Variants in PIK3C2G observed in about 807,000 individuals in gnomAD.
PIK3C2G encodes phosphatidylinositol-4-phosphate 3-kinase catalytic subunit type 2 gamma.
A neutral mutation model predicts 181.1 loss-of-function variants in PIK3C2G; 168 were observed. That is an observed-to-expected ratio of 0.93 (90% CI 0.82 to 1.05). The LOEUF (loss-of-function observed/expected upper bound fraction) is 1.05, where lower values mean the gene tolerates loss of function less well. Ranked by LOEUF, PIK3C2G falls within the 50% of genes least tolerant of loss-of-function variation. PIK3C2G has a pLI of 0.00. For synonymous variants in PIK3C2G, 573 were observed against 592.2 expected (o/e 0.97, Z 0.47); for missense variants, 1,869 against 1,732.8 (o/e 1.08, Z -1.40).
At chr12:18,403,672 T>C (rs914895125) in intron 16 of PIK3C2G, among the ~76,000 whole-genome samples, 1 of 152,184 alleles carries the variant, frequency 6.6e-6, no homozygotes, top group Non-Finnish European at 1.5e-5. Context: ...CTCCTTTTAC[T>C]TTAATTTTAG....
At chr12:18,352,484 G>T (rs979277318) in intron 11 of PIK3C2G, among the ~76,000 whole-genome samples, 2 of 152,164 alleles carry the variant, frequency 1.3e-5, no homozygotes, top group African/African-American at 4.8e-5. Context: ...GTAGAACTCT[G>T]TGTAGCCCCA....
chr12:18,705,572 A>G, the PIK3C2G span, among the ~76,000 whole-genome samples: 1 of 152,090 alleles, frequency 6.6e-6, no homozygotes, highest in Non-Finnish European at 1.5e-5. Context: ...ACTTATTTAA[A>G]TAAATTATAC....
In PIK3C2G at chr12:18,647,756, C is replaced by G. The variant is rs1950224091; in HGVS notation, c.4309-120C>G. ...TAGAAATAAAAGAGTCTGACATTAA[C>G]CTATCTATTCCAGGGTATAAGATAT... On this transcript the variant is annotated intron_variant, in intron 32 of 32. Transcript: ENST00000538779. 4 of 450,172 alleles carry G rather than the reference C, an allele frequency of 8.9e-6. No individual in the cohort carries two copies. The East Asian group carries it at 1.4e-4, about 16-fold the overall frequency. The allele number at this position is 450,172 out of a possible 1,614,324, so 27.9% of individuals were successfully genotyped here. A position where few individuals can be genotyped will look rare whatever the true frequency, so the allele number is the denominator to read the frequency against.
At chr12:18,403,456 A>AAT (rs1300925690) in intron 16 of PIK3C2G, among the ~76,000 whole-genome samples, 4 of 152,176 alleles carry the variant, frequency 2.6e-5, no homozygotes, top group African/African-American at 9.6e-5. Context: ...ACTCCTCTAA[A>AAT]TTAAAAAGCT....
At chr12:18,245,993 C>T (rs1948035749), upstream of PIK3C2G, among the ~76,000 whole-genome samples, 1 of 152,034 alleles carries the variant, frequency 6.6e-6, no homozygotes, top group South Asian at 2.1e-4. Flanking sequence ...GGTAGCTTAT[C>T]AAGAATAAAA....
the PIK3C2G span, among the ~76,000 whole-genome samples, chr12:18,676,357 T>C: frequency 6.6e-6 from 1 of 152,036 alleles, no homozygotes; most frequent in Admixed American, 6.6e-5. Context: ...GAATCTAATA[T>C]AATCCATGTC....
intron 15 of PIK3C2G, among the ~76,000 whole-genome samples, chr12:18,397,823 T>G (rs927171045): frequency 6.6e-6 from 1 of 152,024 alleles, no homozygotes; most frequent in Non-Finnish European, 1.5e-5. Flanking sequence ...GCACAAATGA[T>G]CACAGCACCT....
At chr12:18,683,235 GCTGTTAT>G in the PIK3C2G span, 1 of 1,610,794 alleles carries the variant, frequency 6.2e-7, no homozygotes, top group Middle Eastern at 1.7e-4. Flanking sequence ...TTTATCATTA[GCTGTTAT>G]CTGACGTACC....
In PIK3C2G at chr12:18,453,559, G is replaced by A. The variant is rs186331127; in HGVS notation, c.2504+29520G>A. Among the ~76,000 whole-genome samples, 513 of 152,016 alleles carry A rather than the reference G, an allele frequency of 3.4e-3. 2 individuals carry two copies. Among genetic ancestry groups the A allele is most frequent in the African/African-American group, 0.012 (478 of 41,464 alleles). On this transcript the variant is annotated intron_variant, in intron 18 of 32. Coordinates refer to ENST00000538779, the MANE Select transcript of PIK3C2G (RefSeq NM_001288772.2). The stretch of plus-strand genomic sequence containing the variant: ...ATAATTGACTTGTAGATCTTGAGGG[G>A]AGGGGTTAGGCTTCAGGTTCAACAT...
chr12:18,343,450 T>C (rs1477483134), intron 10 of PIK3C2G, 90 bp downstream of exon 10: 8 of 641,344 alleles, frequency 1.2e-5, no homozygotes, highest in Non-Finnish European at 2.2e-5. Context: ...TTTATGCAAA[T>C]ACTGTGGTAA....
At chr12:18,622,823 T>C (rs962869800) in intron 31 of PIK3C2G, among the ~76,000 whole-genome samples, 1 of 151,898 alleles carries the variant, frequency 6.6e-6, no homozygotes. Context: ...ATTTTTTTCA[T>C]GTATCTGTTA....
intron 18 of PIK3C2G, among the ~76,000 whole-genome samples, chr12:18,463,659 G>A (rs1948039736): frequency 6.6e-6 from 1 of 152,168 alleles, no homozygotes; most frequent in African/African-American, 2.4e-5. Flanking sequence ...TGCAAACCAA[G>A]GCAATTAAGA....
At chr12:18,253,178 T>C (rs2136958868) in intron 1 of PIK3C2G, among the ~76,000 whole-genome samples, 1 of 152,286 alleles carries the variant, frequency 6.6e-6, no homozygotes, top group African/African-American at 2.4e-5. Flanking sequence ...TGCTACAAAA[T>C]GTTATGGGAA....
intron 12 of PIK3C2G, among the ~76,000 whole-genome samples, chr12:18,369,426 T>C (rs947576952): frequency 1.3e-5 from 2 of 151,886 alleles, no homozygotes; most frequent in African/African-American, 4.8e-5. Flanking sequence ...GATCATATAA[T>C]TGACATATGA....
chr12:18,491,008 AT>A (rs925614364), intron 19 of PIK3C2G, among the ~76,000 whole-genome samples: 13 of 151,542 alleles, frequency 8.6e-5, no homozygotes, highest in East Asian at 5.8e-4. Context: ...ACTGTACGTA[AT>A]TTTTTTTTGT....
chr12:18,653,360 A>T (rs1304099960), downstream of PIK3C2G, among the ~76,000 whole-genome samples: 1 of 152,164 alleles, frequency 6.6e-6, no homozygotes, highest in Non-Finnish European at 1.5e-5. Context: ...TGTAACACAA[A>T]TGTTACAAAT....
At chr12:18,650,183 T>C (rs1045301412), downstream of PIK3C2G, among the ~76,000 whole-genome samples, 1 of 151,878 alleles carries the variant, frequency 6.6e-6, no homozygotes, top group African/African-American at 2.4e-5. Context: ...AGGGAAAATA[T>C]TAGGGTTCTT....
intron 18 of PIK3C2G, chr12:18,424,836 C>T (rs1259292224): frequency 4.8e-6 from 1 of 209,900 alleles, no homozygotes; most frequent in Non-Finnish European, 1.0e-5. Context: ...GTACCACATT[C>T]TCTACAACAC....
At chr12:18,588,007 C>T (rs1946881808) in intron 29 of PIK3C2G, among the ~76,000 whole-genome samples, 1 of 151,898 alleles carries the variant, frequency 6.6e-6, no homozygotes, top group African/African-American at 2.4e-5. Context: ...GGGGAAAGCA[C>T]TCCCTATTCA....
Sources: gnomAD v4.1 joint callset for allele counts (sites outside exome capture counted in the v4.1 genomes callset) on GRCh38, gnomAD v4.1.1 for gene constraint, MANE v1.5 for transcripts, NCBI Gene and HGNC (gene_info 2026-07-23, HGNC 2026-07-21) for gene names.